The following GRID2 variants were observed in gnomAD, a reference collection of about 807,000 sequenced individuals.
The protein encoded by GRID2 is glutamate receptor ionotropic, delta-2.
A neutral mutation model predicts 114.8 loss-of-function variants in GRID2; 33 were observed. The ratio of observed to expected loss-of-function variants is 0.29; its 90% CI spans 0.22 to 0.38. The LOEUF (loss-of-function observed/expected upper bound fraction) is 0.38, where lower values mean the gene tolerates loss of function less well. Among genes scored for constraint, GRID2 ranks in the 10% least tolerant of loss-of-function variants. The pLI is 1.00. For missense variants in GRID2, 1,184 were observed against 1,257.7 expected, an observed-to-expected ratio of 0.94 and a Z score of 0.89; for synonymous variants, 505 against 449.9, an observed-to-expected ratio of 1.12 and a Z score of -1.55.
intron 1 of GRID2, among the ~76,000 whole-genome samples, chr4:92,442,940 G>A (rs1389452274): frequency 2.0e-5 from 3 of 152,078 alleles, no homozygotes; most frequent in African/African-American, 4.8e-5. Flanking sequence ...GAGGAGGGGA[G>A]GTGATAAAAA....
At chr4:92,903,843 T>G (rs1747758366) in intron 2 of GRID2, among the ~76,000 whole-genome samples, 2 of 151,966 alleles carry the variant, frequency 1.3e-5, no homozygotes, top group African/African-American at 4.8e-5. Context: ...CACTTCTCTC[T>G]CCTCAATGTG....
intron 8 of GRID2, among the ~76,000 whole-genome samples, chr4:93,348,854 T>C (rs1760502081): frequency 6.6e-6 from 1 of 152,198 alleles, no homozygotes; most frequent in African/African-American, 2.4e-5. Flanking sequence ...TCCTAGTATA[T>C]GTTTGCAAAA....
intron 1 of GRID2, among the ~76,000 whole-genome samples, chr4:93,801,565 C>T (rs181008743): frequency 2.8e-4 from 43 of 152,122 alleles, no homozygotes; most frequent in African/African-American, 8.4e-4. Context: ...AAATAATTAA[C>T]TCCTCCTTCT....
At chr4:93,275,895 A>T (rs1220531474) in intron 8 of GRID2, among the ~76,000 whole-genome samples, 1 of 151,746 alleles carries the variant, frequency 6.6e-6, no homozygotes, top group Non-Finnish European at 1.5e-5. Context: ...ATTTGCAAAT[A>T]TTTTCTGCCC....
At chr4:92,616,461 C>G (rs1196229787) in intron 2 of GRID2, among the ~76,000 whole-genome samples, 1 of 151,258 alleles carries the variant, frequency 6.6e-6, no homozygotes, top group African/African-American at 2.4e-5. Flanking sequence ...GGAATGGATG[C>G]CTTCAGGTTT....
intron 2 of GRID2, among the ~76,000 whole-genome samples, chr4:93,021,451 AATT>A (rs1233605348): frequency 6.7e-6 from 1 of 149,388 alleles, no homozygotes; most frequent in Non-Finnish European, 1.5e-5. Flanking sequence ...TAATTTTAAA[AATT>A]ATTAAAGGAC....
At chr4:92,672,057 T>C (rs1447315167) in intron 2 of GRID2, among the ~76,000 whole-genome samples, 2 of 152,186 alleles carry the variant, frequency 1.3e-5, no homozygotes, top group African/African-American at 4.8e-5. Flanking sequence ...TTAAACTTTT[T>C]AATATTATAT....
At chr4:93,522,568 C>CA (rs957184830) in intron 13 of GRID2, among the ~76,000 whole-genome samples, 12 of 150,330 alleles carry the variant, frequency 8.0e-5, no homozygotes, top group South Asian at 4.2e-4. Context: ...AGAGCACATG[C>CA]AAAAAAAACA....
At chr4:92,803,038 A>G (rs1415031939) in intron 2 of GRID2, among the ~76,000 whole-genome samples, 34 of 152,002 alleles carry the variant, frequency 2.2e-4, no homozygotes, top group Admixed American at 2.2e-3. Flanking sequence ...TGTTTTGAAG[A>G]CAATATTTGT....
chr4:93,584,477 A>C (rs987922672), intron 13 of GRID2, among the ~76,000 whole-genome samples: 1 of 152,128 alleles, frequency 6.6e-6, no homozygotes, highest in African/African-American at 2.4e-5. Context: ...TCAATGGTTG[A>C]AAATGTTGTT....
chr4:93,261,724 T>C (rs774250255), intron 8 of GRID2, among the ~76,000 whole-genome samples: 67 of 151,974 alleles, frequency 4.4e-4, no homozygotes, highest in Admixed American at 9.9e-4. Flanking sequence ...GTGGAGGATT[T>C]TGAGAAACTC....
chr4:92,693,914 A>AT (rs1049751100), intron 2 of GRID2, among the ~76,000 whole-genome samples: 6 of 152,166 alleles, frequency 3.9e-5, no homozygotes, highest in Admixed American at 2.6e-4. Context: ...GTGTGAAAAT[A>AT]TTTTTTTAAC....
intron 8 of GRID2, among the ~76,000 whole-genome samples, chr4:93,393,372 A>C (rs1765035883): frequency 6.6e-6 from 1 of 151,952 alleles, no homozygotes; most frequent in Non-Finnish European, 1.5e-5. Context: ...AGAACACAGA[A>C]AGGTGAAAAG....
chr4:93,493,566 G>A (rs905527492), intron 12 of GRID2, among the ~76,000 whole-genome samples: 2 of 151,058 alleles, frequency 1.3e-5, no homozygotes, highest in African/African-American at 2.4e-5. Context: ...TTAATCTAGT[G>A]GTGGGTCCTA....
chr4:92,325,669 A>G (rs1726554833), intron 1 of GRID2, among the ~76,000 whole-genome samples: 2 of 151,650 alleles, frequency 1.3e-5, no homozygotes, highest in Admixed American at 1.3e-4. Flanking sequence ...TATTTTTTTT[A>G]TTCTTTCTCC....
intron 9 of GRID2, among the ~76,000 whole-genome samples, chr4:93,405,519 A>G (rs1381085169): frequency 2.6e-5 from 4 of 152,110 alleles, no homozygotes; most frequent in Non-Finnish European, 5.9e-5. Context: ...GAGATGTGTT[A>G]TCTAATTTAC....
chr4:93,464,445 C>T (rs563318628), intron 11 of GRID2, among the ~76,000 whole-genome samples: 2 of 152,028 alleles, frequency 1.3e-5, no homozygotes, highest in Non-Finnish European at 2.9e-5. Flanking sequence ...CCTTAAAACC[C>T]AATTATCATG....
chr4:92,642,021 C>G (rs1386092003), intron 2 of GRID2, among the ~76,000 whole-genome samples: 1 of 151,186 alleles, frequency 6.6e-6, no homozygotes, highest in Non-Finnish European at 1.5e-5. Context: ...TTTTCTTTAT[C>G]CAATCTACCA....
At chr4:92,946,982 G>A (rs555555901) in intron 2 of GRID2, among the ~76,000 whole-genome samples, 1 of 151,938 alleles carries the variant, frequency 6.6e-6, no homozygotes, top group African/African-American at 2.4e-5. Context: ...TCTGAAAGAT[G>A]GAAAGATTTA....
Sources: gnomAD v4.1 joint callset for allele counts (sites outside exome capture counted in the v4.1 genomes callset) on GRCh38, gnomAD v4.1.1 for gene constraint, MANE v1.5 for transcripts, NCBI Gene and HGNC (gene_info 2026-07-23, HGNC 2026-07-21) for gene names.